Variants in ADAM23 observed in about 807,000 individuals in gnomAD.
The protein encoded by ADAM23 is ADAM metallopeptidase domain 23.
In ADAM23, 33 loss-of-function variants were observed where a neutral mutation model predicts 120.1. The ratio of observed to expected loss-of-function variants is 0.27; its 90% CI spans 0.21 to 0.37. The LOEUF is 0.37. Among genes scored for constraint, ADAM23 ranks in the 10% least tolerant of loss-of-function variants. The pLI, the probability that ADAM23 is intolerant of heterozygous loss-of-function variation, is 1.00. For missense variants in ADAM23, 862 were observed against 1,058.2 expected (o/e 0.81, Z 2.57); for synonymous variants, 367 against 375.2 (o/e 0.98, Z 0.25).
intron 3 of ADAM23, among the ~76,000 whole-genome samples, chr2:206,525,035 G>T (rs1696915462): frequency 6.6e-6 from 1 of 152,154 alleles, no homozygotes. Flanking sequence ...ATATGCCCCA[G>T]TTTTCCCAGG....
intron 3 of ADAM23, among the ~76,000 whole-genome samples, chr2:206,507,569 C>T (rs1054730230): frequency 6.6e-6 from 1 of 152,140 alleles, no homozygotes; most frequent in Non-Finnish European, 1.5e-5. Flanking sequence ...CCAATTAAAC[C>T]ACTTTTCTTT....
chr2:206,543,408 G>C (rs1435797336), intron 6 of ADAM23, 92 bp downstream of exon 6: 5 of 1,122,454 alleles, frequency 4.5e-6, no homozygotes, highest in East Asian at 2.4e-5. Flanking sequence ...AGATTTCAAA[G>C]TGCCTTTGTA....
chr2:206,592,903 C>G (rs1430292562), intron 22 of ADAM23, among the ~76,000 whole-genome samples, 167 bp downstream of exon 22: 1 of 152,046 alleles, frequency 6.6e-6, no homozygotes, highest in South Asian at 2.1e-4. Context: ...TAAAAAGAAA[C>G]AAAGTTGTAT....
At chr2:206,523,489 C>G (rs1324934440) in intron 3 of ADAM23, among the ~76,000 whole-genome samples, 1 of 152,174 alleles carries the variant, frequency 6.6e-6, no homozygotes, top group Non-Finnish European at 1.5e-5. Flanking sequence ...TTGCTACATG[C>G]TTAAATCCCA....
At chr2:206,514,095 A>G (rs982583086) in intron 3 of ADAM23, among the ~76,000 whole-genome samples, 4 of 152,188 alleles carry the variant, frequency 2.6e-5, no homozygotes, top group Non-Finnish European at 5.9e-5. Context: ...TGATAACACA[A>G]CATCCATTCT....
chr2:206,460,332 ATC>A (rs1695390066), intron 2 of ADAM23, among the ~76,000 whole-genome samples: 1 of 152,174 alleles, frequency 6.6e-6, no homozygotes, highest in South Asian at 2.1e-4. Context: ...CCATTTTATA[ATC>A]TCACTGATGG....
At chr2:206,575,842 CA>C (rs947909185) in intron 18 of ADAM23, among the ~76,000 whole-genome samples, 7 of 152,038 alleles carry the variant, frequency 4.6e-5, no homozygotes, top group Non-Finnish European at 8.8e-5. Context: ...TTCTTCTTCC[CA>C]AGCTTATCAT....
intron 6 of ADAM23, among the ~76,000 whole-genome samples, chr2:206,544,613 A>AT (rs58554638): frequency 4.3e-4 from 57 of 132,784 alleles, no homozygotes; most frequent in African/African-American, 5.8e-4. Context: ...GGAGAGTTAA[A>AT]TTTTTTTTTT....
intron 21 of ADAM23, among the ~76,000 whole-genome samples, chr2:206,591,486 A>T (rs1488434334): frequency 6.6e-6 from 1 of 152,026 alleles, no homozygotes; most frequent in Admixed American, 6.6e-5. Context: ...TTTATTATTT[A>T]TTTGTTTCAC....
rs1410463294 is a variant in ADAM23 at position 206,548,168 on chromosome 2, TC to T, written c.794-112del. ...TATATAATGATCAGTGTGCTTTTTT[TC>T]ACCTTAGTTTGACATATATTATCAG... On this transcript the variant is annotated intron_variant, in intron 7 of 25. Transcript: ENST00000264377. 2.7e-5 allele frequency: 24 copies of T among 905,280 alleles called. No individual in the cohort carries two copies. In the Admixed American group the frequency reaches 5.4e-4, roughly 20 times the overall value. 56.1% of individuals were successfully genotyped at this position (905,280 alleles called of 1,614,324 possible). A position where few individuals can be genotyped will look rare whatever the true frequency, so the allele number is the denominator to read the frequency against.
intron 9 of ADAM23, among the ~76,000 whole-genome samples, chr2:206,553,565 CAG>C (rs1411776079): frequency 6.6e-6 from 1 of 152,096 alleles, no homozygotes; most frequent in South Asian, 2.1e-4. Flanking sequence ...TGCTTTAAGA[CAG>C]AGTTACATTC....
chr2:206,617,792 CTT>C lies in ADAM23; in HGVS notation c.*168_*169del. 7.2e-7 allele frequency: 1 copy of C among 1,389,118 alleles called. No homozygotes were observed. Among genetic ancestry groups the C allele is most frequent in the Non-Finnish European group, 9.4e-7 (1 of 1,061,196 alleles). The allele number at this position is 1,389,118 out of a possible 1,614,324, so 86.0% of individuals were successfully genotyped here. On this transcript the variant is annotated 3_prime_UTR_variant, in exon 26 of 26. Coordinates refer to ENST00000264377, the MANE Select transcript of ADAM23 (RefSeq NM_003812.4). ...AGGATGGGGTAAAAGAAAACTGTCT[CTT>C]TTGGAAATAATGTCAAAGAACACCT...
chr2:206,443,821 G>C lies in ADAM23; in HGVS notation c.-46G>C. ...CCCGCGGCCGCCCCGCAGCTAGCCCGGCGCTCTCGCCGGCCACACGGAGCG... is the reference window on the plus strand; with the variant it reads ...CCCGCGGCCGCCCCGCAGCTAGCCCCGCGCTCTCGCCGGCCACACGGAGCG... On this transcript the variant is annotated 5_prime_UTR_variant, in exon 1 of 26. Transcript: ENST00000264377. 4 of 1,039,338 alleles carry C rather than the reference G, an allele frequency of 3.8e-6. No individual in the cohort carries two copies. Among genetic ancestry groups the C allele is most frequent in the Non-Finnish European group, 4.6e-6 (4 of 862,640 alleles). The allele number at this position is 1,039,338 out of a possible 1,614,324, so 64.4% of individuals were successfully genotyped here.
chr2:206,531,029 A>T (rs1697050702), intron 4 of ADAM23, 81 bp downstream of exon 4: 1 of 1,113,980 alleles, frequency 9.0e-7, no homozygotes, highest in African/African-American at 1.6e-5. Flanking sequence ...CGTTGTTTTG[A>T]CGTCTGTCTC....
chr2:206,599,240 T>C (rs1159661158), intron 24 of ADAM23, among the ~76,000 whole-genome samples: 3 of 151,830 alleles, frequency 2.0e-5, no homozygotes, highest in Non-Finnish European at 4.4e-5. Flanking sequence ...CATTCTGGTA[T>C]GCTTCTTTCC....
chr2:206,540,216 T>TACACACACAC lies in ADAM23; in HGVS notation c.574-1792_574-1783dup, dbSNP rs71034461. ...AGAAAAGAAAAGCAGCCCTTCACTG[T>TACACACACAC]ACACACACACACACACACACACACA... On this transcript the variant is annotated intron_variant, in intron 4 of 25. Coordinates refer to ENST00000264377, the MANE Select transcript of ADAM23 (RefSeq NM_003812.4). 5.9e-3 allele frequency among the ~76,000 whole-genome samples: 784 copies of TACACACACAC among 131,888 alleles called. 7 individuals are homozygous for TACACACACAC. Among genetic ancestry groups the TACACACACAC allele is most frequent in the African/African-American group, 0.016 (540 of 33,582 alleles). 86.5% of individuals were successfully genotyped at this position (131,888 alleles called of 152,430 possible).
chr2:206,574,154 A>AG (rs1354593788), intron 18 of ADAM23, among the ~76,000 whole-genome samples: 1 of 152,196 alleles, frequency 6.6e-6, no homozygotes. Context: ...GCACTTCTGC[A>AG]GTGTTAACAA....
chr2:206,498,262 T>A (rs939067109), intron 3 of ADAM23, among the ~76,000 whole-genome samples: 3 of 152,160 alleles, frequency 2.0e-5, no homozygotes, highest in Admixed American at 6.5e-5. Context: ...ACTACAAGGC[T>A]ACAGTAACCA....
intron 3 of ADAM23, among the ~76,000 whole-genome samples, chr2:206,523,388 T>C (rs1696883421): frequency 6.6e-6 from 1 of 152,204 alleles, no homozygotes; most frequent in Non-Finnish European, 1.5e-5. Flanking sequence ...GTGCCCACAC[T>C]TACCAGCCCT....
Sources: allele counts gnomAD v4.1 joint callset (sites outside exome capture counted in the v4.1 genomes callset), GRCh38; gene constraint gnomAD v4.1.1; transcripts MANE v1.5; gene names NCBI Gene and HGNC (gene_info 2026-07-23, HGNC 2026-07-21).